The following RYR2 variants were observed in gnomAD, a reference collection of about 807,000 sequenced individuals.
RYR2 encodes cardiac muscle ryanodine receptor-calcium release channel.
In RYR2, 227 loss-of-function variants were observed where a neutral mutation model predicts 601.1. The ratio of observed to expected loss-of-function variants is 0.38; its 90% CI spans 0.34 to 0.42. The LOEUF (loss-of-function observed/expected upper bound fraction) is 0.42. Among genes scored for constraint, RYR2 ranks in the 10% least tolerant of loss-of-function variants. RYR2 has a pLI of 1.00. For missense variants in RYR2, 4,646 were observed against 6,156.5 expected, an observed-to-expected ratio of 0.75 and a Z score of 8.21; for synonymous variants, 2,223 against 2,175.1, an observed-to-expected ratio of 1.02 and a Z score of -0.61.
chr1:237,129,701 A>G (rs908417028), intron 1 of RYR2, among the ~76,000 whole-genome samples: 2 of 149,888 alleles, frequency 1.3e-5, no homozygotes, highest in Non-Finnish European at 3.0e-5. Context: ...TAACATATAT[A>G]GTATAATGAT....
intron 12 of RYR2, among the ~76,000 whole-genome samples, chr1:237,423,537 A>G (rs1705803096): frequency 6.6e-6 from 1 of 152,222 alleles, no homozygotes; most frequent in South Asian, 2.1e-4. Flanking sequence ...GATAGTATGA[A>G]GCTGTCAAAA....
At chr1:237,627,735 T>G in intron 40 of RYR2, 72 bp from the exon 41 acceptor site, 2 of 1,445,060 alleles carry the variant, frequency 1.4e-6, no homozygotes, top group South Asian at 2.8e-5. Context: ...GTACAGGATA[T>G]GGACTTGAAA....
At chr1:237,246,383 A>G (rs1686837460) in intron 1 of RYR2, among the ~76,000 whole-genome samples, 1 of 151,828 alleles carries the variant, frequency 6.6e-6, no homozygotes, top group Non-Finnish European at 1.5e-5. Flanking sequence ...GGCGTGAGCC[A>G]CCGTGCCTGG....
At chr1:237,789,984 T>G (rs577159741) in intron 92 of RYR2, among the ~76,000 whole-genome samples, 1 of 152,326 alleles carries the variant, frequency 6.6e-6, no homozygotes, top group African/African-American at 2.4e-5. Flanking sequence ...GGGTCCTGTG[T>G]GGGGAAATGA....
chr1:237,691,871 G>T (rs1244399587), intron 63 of RYR2, among the ~76,000 whole-genome samples: 1 of 152,190 alleles, frequency 6.6e-6, no homozygotes, highest in African/African-American at 2.4e-5. Flanking sequence ...ACGTAGGCAG[G>T]TTGACAAGTG....
chr1:237,609,658 C>A (rs539888387), intron 35 of RYR2, among the ~76,000 whole-genome samples: 174 of 152,202 alleles, frequency 1.1e-3, no homozygotes, highest in Non-Finnish European at 2.2e-3. Context: ...AGCCATGGTG[C>A]CTAGCCCAGT....
intron 29 of RYR2, 27 bp downstream of exon 29, chr1:237,569,346 T>C (rs1366109673): frequency 6.2e-7 from 1 of 1,604,786 alleles, no homozygotes; most frequent in African/African-American, 1.3e-5. Flanking sequence ...TTGTGTTTTT[T>C]TTAAGTTTGC....
chr1:237,734,733 T>C (rs1341216432), intron 79 of RYR2, among the ~76,000 whole-genome samples: 1 of 152,192 alleles, frequency 6.6e-6, no homozygotes, highest in Non-Finnish European at 1.5e-5. Flanking sequence ...TGCACCAGAA[T>C]AATTACAGGC....
At chr1:237,670,915 T>C (rs1237940853) in intron 58 of RYR2, among the ~76,000 whole-genome samples, 1 of 152,242 alleles carries the variant, frequency 6.6e-6, no homozygotes, top group East Asian at 1.9e-4. Context: ...AGATTAGACC[T>C]ATTCAACCTA....
At chr1:237,494,168 A>G (rs1052784949) in intron 19 of RYR2, among the ~76,000 whole-genome samples, 1 of 152,170 alleles carries the variant, frequency 6.6e-6, no homozygotes, top group African/African-American at 2.4e-5. Flanking sequence ...CATGATCACC[A>G]GGTGAAGTCC....
chr1:237,460,284 C>T lies in RYR2; in HGVS notation c.1612+3549C>T, dbSNP rs543735444. ...CCCAAATACAACGCTTCTCGCATCT[C>T]ATTAGCCCAAATTGTGTCTGGCCAT... On this transcript the variant is annotated intron_variant, in intron 16 of 104. Transcript: ENST00000366574. 1.1e-4 allele frequency among the ~76,000 whole-genome samples: 17 copies of T among 152,100 alleles called. No homozygotes were observed. In the South Asian group the frequency reaches 2.7e-3, roughly 24 times the overall value.
intron 17 of RYR2, among the ~76,000 whole-genome samples, chr1:237,473,265 A>T: frequency 6.6e-6 from 1 of 151,968 alleles, no homozygotes; most frequent in Non-Finnish European, 1.5e-5. Flanking sequence ...CTCTACTAAA[A>T]ATACAAAAAT....
intron 86 of RYR2, among the ~76,000 whole-genome samples, 179 bp from the exon 87 acceptor site, chr1:237,773,341 G>GT (rs1175491549): frequency 6.6e-6 from 1 of 152,086 alleles, no homozygotes; most frequent in East Asian, 1.9e-4. Context: ...TAAGAAGGAG[G>GT]TTCACATATT....
At chr1:237,417,216 C>A in intron 11 of RYR2, 93 bp downstream of exon 11, 1 of 956,606 alleles carries the variant, frequency 1.0e-6, no homozygotes, top group Non-Finnish European at 1.6e-6. Flanking sequence ...CTGAAAACTA[C>A]AGCAAGCAAG....
intron 84 of RYR2, among the ~76,000 whole-genome samples, chr1:237,768,124 G>A (rs956942379): frequency 2.6e-5 from 4 of 152,010 alleles, no homozygotes; most frequent in African/African-American, 7.3e-5. Flanking sequence ...TGTTTCACTC[G>A]TAGCTTGGTT....
chr1:237,338,540 A>G (rs1572650476), intron 3 of RYR2, among the ~76,000 whole-genome samples: 1 of 152,248 alleles, frequency 6.6e-6, no homozygotes, highest in Admixed American at 6.5e-5. Context: ...CCAGACAGGC[A>G]TCTTCCTAAG....
Position 237,832,913 on chromosome 1 carries a change from A to G in RYR2, c.*266A>G, listed in dbSNP as rs1439571906. 2.4e-5 allele frequency: 7 copies of G among 291,602 alleles called. No individual in the cohort carries two copies. Among genetic ancestry groups the G allele is most frequent in the African/African-American group, 4.3e-5 (2 of 46,246 alleles). The allele number at this position is 291,602 out of a possible 1,614,324, so 18.1% of individuals were successfully genotyped here. A position where few individuals can be genotyped will look rare whatever the true frequency, so the allele number is the denominator to read the frequency against. On this transcript the variant is annotated 3_prime_UTR_variant, in exon 105 of 105. Transcript: ENST00000366574. ...AAAGAAAACCATTCTGGACACTGTC[A>G]TAACACACATAGATAGATTTTCTTC...
intron 84 of RYR2, among the ~76,000 whole-genome samples, chr1:237,761,785 T>TA (rs1454029059): frequency 6.6e-6 from 1 of 152,238 alleles, no homozygotes; most frequent in Non-Finnish European, 1.5e-5. Context: ...AAACTAGTTT[T>TA]ACTCAGGGCC....
intron 1 of RYR2, among the ~76,000 whole-genome samples, chr1:237,150,626 T>A (rs1674605819): frequency 6.6e-6 from 1 of 152,170 alleles, no homozygotes; most frequent in Admixed American, 6.5e-5. Flanking sequence ...CTGTATTCTA[T>A]GAAAGAAAAA....
Sources: gnomAD v4.1 joint callset for allele counts (sites outside exome capture counted in the v4.1 genomes callset) on GRCh38, gnomAD v4.1.1 for gene constraint, MANE v1.5 for transcripts, NCBI Gene and HGNC (gene_info 2026-07-23, HGNC 2026-07-21) for gene names.